Variants in RTN4IP1 observed in about 807,000 individuals in gnomAD.
The protein encoded by RTN4IP1 is reticulon 4 interacting protein 1.
A neutral mutation model predicts 46.6 loss-of-function variants in RTN4IP1; 32 were observed. The ratio of observed to expected loss-of-function variants is 0.69; its 90% CI spans 0.52 to 0.92. The LOEUF is 0.92. Among genes scored for constraint, RTN4IP1 ranks in the 40% least tolerant of loss-of-function variants. RTN4IP1 has a pLI of 0.00. For synonymous variants in RTN4IP1, 167 were observed against 161.8 expected (o/e 1.03, Z -0.24); for missense variants, 424 against 485.8 (o/e 0.87, Z 1.20).
At chr6:106,621,403 T>C in intron 3 of RTN4IP1, 22 bp downstream of exon 3, 1 of 1,573,992 alleles carries the variant, frequency 6.4e-7, no homozygotes. Context: ...TCTAATGCAT[T>C]TCAGCAGAGT....
At chr6:106,596,968 CTCTTA>C (rs748329973) in intron 5 of RTN4IP1, among the ~76,000 whole-genome samples, 20 of 152,154 alleles carry the variant, frequency 1.3e-4, no homozygotes, top group Non-Finnish European at 1.9e-4. Context: ...AATTTTATTT[CTCTTA>C]TAAGTCACGT....
intron 4 of RTN4IP1, among the ~76,000 whole-genome samples, chr6:106,611,259 A>C (rs1722488886): frequency 6.6e-6 from 1 of 152,150 alleles, no homozygotes; most frequent in Admixed American, 6.5e-5. Context: ...TGATGACAGA[A>C]GTGTACTCTG....
rs1776524138 is a variant in RTN4IP1 at position 106,622,953 on chromosome 6, T to C, written c.291A>G (p.Thr97=). 6.2e-7 allele frequency: 1 copy of C among 1,614,018 alleles called. No homozygotes were observed. Among genetic ancestry groups the C allele is most frequent in the Admixed American group, 1.7e-5 (1 of 59,998 alleles). ...AAGGATCACGCTTCATATTTAAAGCTGTAGCTCCATAACCACCTGTAAAAT... is the reference window on the plus strand; with the variant it reads ...AAGGATCACGCTTCATATTTAAAGCCGTAGCTCCATAACCACCTGTAAAAT... ...DVNMRSGYGA[T]ALNMKRDPLH... The change falls in exon 2 of 9, where the codon ACA becomes ACG. Residue 97 remains threonine, a synonymous_variant. Transcript: ENST00000369063.
Position 106,587,583 on chromosome 6 carries a change from T to C in RTN4IP1, c.990+96A>G, listed in dbSNP as rs963632268. 3.8e-5 allele frequency: 43 copies of C among 1,129,290 alleles called. No homozygotes were observed. In the African/African-American group the frequency reaches 5.4e-4, roughly 14 times the overall value. 70.0% of individuals were successfully genotyped at this position (1,129,290 alleles called of 1,614,324 possible). On this transcript the variant is annotated intron_variant, in intron 7 of 8. Transcript: ENST00000369063. ...GTCCATGCTTGCAACCACCGTGCTATGCGGCCTCCAAGAGAAGAGAAACTG... is the reference window on the plus strand; with the variant it reads ...GTCCATGCTTGCAACCACCGTGCTACGCGGCCTCCAAGAGAAGAGAAACTG...
At chr6:106,601,595 C>G (rs1205213396) in intron 5 of RTN4IP1, among the ~76,000 whole-genome samples, 1 of 151,868 alleles carries the variant, frequency 6.6e-6, no homozygotes, top group Admixed American at 6.6e-5. Context: ...GATCTTTGAT[C>G]CATTTTGAGT....
At chr6:106,572,232 C>T (rs916890728) in intron 8 of RTN4IP1, 129 bp from the exon 9 acceptor site, 1 of 720,472 alleles carries the variant, frequency 1.4e-6, no homozygotes, top group South Asian at 1.7e-5. Flanking sequence ...TCCAGTGGAC[C>T]CAGGTCAGGC....
chr6:106,623,861 T>G (rs1380583522), intron 1 of RTN4IP1, among the ~76,000 whole-genome samples: 1 of 152,232 alleles, frequency 6.6e-6, no homozygotes, highest in Non-Finnish European at 1.5e-5. Flanking sequence ...TTAAGCTGTT[T>G]GAAGTCAATA....
chr6:106,614,577 G>T (rs1484076295), intron 4 of RTN4IP1, among the ~76,000 whole-genome samples: 1 of 152,288 alleles, frequency 6.6e-6, no homozygotes, highest in East Asian at 1.9e-4. Flanking sequence ...GCTGGAGGAA[G>T]AAGTGGGGGC....
upstream of RTN4IP1, among the ~76,000 whole-genome samples, chr6:106,630,024 C>T (rs1017254079): frequency 4.6e-5 from 7 of 152,156 alleles, 1 homozygote; most frequent in African/African-American, 1.4e-4. Context: ...CTTGCGGGGC[C>T]ACTTCAGTCT....
chr6:106,587,619 A>T, intron 7 of RTN4IP1, 60 bp downstream of exon 7: 8 of 1,519,230 alleles, frequency 5.3e-6, no homozygotes, highest in Non-Finnish European at 6.3e-6. Context: ...GCTAGGTGGG[A>T]AACCAATTTC....
intron 1 of RTN4IP1, among the ~76,000 whole-genome samples, chr6:106,625,853 T>G (rs1210711246): frequency 6.6e-6 from 1 of 151,760 alleles, no homozygotes; most frequent in Non-Finnish European, 1.5e-5. Flanking sequence ...ACGGGGTTTC[T>G]CCATGTTGAT....
Position 106,579,185 on chromosome 6 carries a change from G to A in RTN4IP1, c.1083+4143C>T, listed in dbSNP as rs189621204. 5.2e-4 allele frequency among the ~76,000 whole-genome samples: 78 copies of A among 151,350 alleles called. 1 individual carries two copies. In the East Asian group the frequency reaches 0.014, roughly 27 times the overall value. On this transcript the variant is annotated intron_variant, in intron 8 of 8. Transcript: ENST00000369063. ...CAGGAGATGGAGGTTGCAGTGAGCC[G>A]AGATCGTGCCACTGCACTCCAGCAT...
At chr6:106,627,743 C>CTTTTTTTTTTTTTTTTTTTTT (rs759953237) in intron 1 of RTN4IP1, among the ~76,000 whole-genome samples, 1 of 52,964 alleles carries the variant, frequency 1.9e-5, no homozygotes, top group African/African-American at 6.3e-5. Flanking sequence ...CATTTCAATG[C>CTTTTTTTTTTTTTTTTTTTTT]TTTTTTTTTT....
chr6:106,599,998 G>A (rs57664047), intron 5 of RTN4IP1, among the ~76,000 whole-genome samples: 10,460 of 151,694 alleles, frequency 0.069, 437 homozygotes, highest in South Asian at 0.12. Context: ...ATTTATTTAT[G>A]TATTCAACTC....
chr6:106,603,660 C>T (rs923897173), intron 4 of RTN4IP1, among the ~76,000 whole-genome samples: 3 of 152,144 alleles, frequency 2.0e-5, no homozygotes, highest in African/African-American at 4.8e-5. Flanking sequence ...GATGCATATG[C>T]TTATTGACAA....
chr6:106,582,649 G>A (rs1775396782), intron 8 of RTN4IP1, among the ~76,000 whole-genome samples: 1 of 152,054 alleles, frequency 6.6e-6, no homozygotes, highest in African/African-American at 2.4e-5. Flanking sequence ...CACCTTCTGG[G>A]TTATTCCTCT....
intron 4 of RTN4IP1, among the ~76,000 whole-genome samples, chr6:106,617,966 T>G (rs1776393759): frequency 6.6e-6 from 1 of 152,150 alleles, no homozygotes; most frequent in South Asian, 2.1e-4. Flanking sequence ...ATTAGAAAAA[T>G]CTATGTGGTC....
intron 4 of RTN4IP1, among the ~76,000 whole-genome samples, chr6:106,618,757 C>T (rs1302718709): frequency 6.6e-6 from 1 of 151,920 alleles, no homozygotes; most frequent in Non-Finnish European, 1.5e-5. Flanking sequence ...TTGTGCAGTC[C>T]CTTTATAGAA....
At chr6:106,629,655 T>TGTGGTGGCAGGCTGGGCACGAGGACC (rs747070229), upstream of RTN4IP1, 10 of 1,599,184 alleles carry the variant, frequency 6.3e-6, no homozygotes, top group Admixed American at 8.6e-5. Flanking sequence ...GCCTGGCTCC[T>TGTGGTGGCAGGCTGGGCACGAGGACC]GTGGTGGCAG....
Sources: gnomAD v4.1 joint callset for allele counts (sites outside exome capture counted in the v4.1 genomes callset) on GRCh38, gnomAD v4.1.1 for gene constraint, MANE v1.5 for transcripts, NCBI Gene and HGNC (gene_info 2026-07-23, HGNC 2026-07-21) for gene names.